CTXND2: variants seen among roughly 807,000 people sequenced by gnomAD.
The protein encoded by CTXND2 is cortexin domain containing 2.
chr1:150,897,343 C>G (rs72704672), intron 1 of CTXND2, among the ~76,000 whole-genome samples: 1 of 152,046 alleles, frequency 6.6e-6, no homozygotes, highest in African/African-American at 2.4e-5. Flanking sequence ...TGGAAATAGG[C>G]CCAAAAGGGG....
chr1:150,889,211 C>G (rs1352689885), intron 1 of CTXND2, among the ~76,000 whole-genome samples: 1 of 151,906 alleles, frequency 6.6e-6, no homozygotes, highest in Admixed American at 6.6e-5. Flanking sequence ...AGATCGAGAC[C>G]ATCCTGGCTA....
intron 1 of CTXND2, among the ~76,000 whole-genome samples, chr1:150,890,597 G>A (rs1390980438): frequency 6.6e-6 from 1 of 152,008 alleles, no homozygotes; most frequent in Non-Finnish European, 1.5e-5. Context: ...TCTGCCTCCC[G>A]GGTTCAAGCG....
At chr1:150,908,585 T>A (rs1038909343) in intron 1 of CTXND2, among the ~76,000 whole-genome samples, 5 of 152,130 alleles carry the variant, frequency 3.3e-5, no homozygotes, top group African/African-American at 1.2e-4. Flanking sequence ...TTTCTATTCA[T>A]ATCCTTTGCC....
At chr1:150,894,148 CACTT>C (rs1336799121) in intron 1 of CTXND2, among the ~76,000 whole-genome samples, 3 of 151,980 alleles carry the variant, frequency 2.0e-5, no homozygotes, top group Admixed American at 6.6e-5. Flanking sequence ...TATTAAATGT[CACTT>C]ACAGGTTTTC....
intron 1 of CTXND2, among the ~76,000 whole-genome samples, chr1:150,891,851 TA>T (rs1444307990): frequency 6.6e-6 from 1 of 152,208 alleles, no homozygotes; most frequent in Non-Finnish European, 1.5e-5. Context: ...GCCTCTTCAG[TA>T]AAATCTCCCT....
At chr1:150,900,195 A>G (rs1052702300) in intron 1 of CTXND2, among the ~76,000 whole-genome samples, 2 of 152,164 alleles carry the variant, frequency 1.3e-5, no homozygotes, top group Admixed American at 6.6e-5. Context: ...TATGAGTTGT[A>G]ATACTCACCG....
intron 1 of CTXND2, among the ~76,000 whole-genome samples, chr1:150,897,008 AAG>A (rs1158741345): frequency 6.6e-6 from 1 of 152,172 alleles, no homozygotes; most frequent in African/African-American, 2.4e-5. Context: ...AGCAAAGGGG[AAG>A]AGAGGGGCAG....
At chr1:150,897,339 T>C (rs1008170765) in intron 1 of CTXND2, among the ~76,000 whole-genome samples, 1 of 152,154 alleles carries the variant, frequency 6.6e-6, no homozygotes, top group Non-Finnish European at 1.5e-5. Flanking sequence ...ATTTTGGAAA[T>C]AGGCCCAAAA....
chr1:150,887,419 G>A (rs1218730661), intron 1 of CTXND2, 106 bp downstream of exon 1: 1 of 151,692 alleles, frequency 6.6e-6, no homozygotes, highest in Non-Finnish European at 1.5e-5. Context: ...GGAAATCGTG[G>A]GGAAATGACT....
intron 1 of CTXND2, among the ~76,000 whole-genome samples, chr1:150,911,186 G>A (rs1571607804): frequency 6.8e-6 from 1 of 147,156 alleles, no homozygotes; most frequent in Non-Finnish European, 1.5e-5. Flanking sequence ...GACCTCAAGT[G>A]ATCCGCCTGC....
chr1:150,889,873 C>T (rs1264494461), intron 1 of CTXND2, among the ~76,000 whole-genome samples: 2 of 152,058 alleles, frequency 1.3e-5, no homozygotes, highest in Non-Finnish European at 2.9e-5. Flanking sequence ...TGAATCCATG[C>T]TATGAATGGG....
chr1:150,910,120 GTTTTTTTTTTTTCTT>G (rs1669224991), intron 1 of CTXND2, among the ~76,000 whole-genome samples: 3 of 131,238 alleles, frequency 2.3e-5, no homozygotes, highest in African/African-American at 8.4e-5. Context: ...TCTTTTTTCT[GTTTTTTTTTTTTCTT>G]TTTTTTTTTT....
intron 1 of CTXND2, among the ~76,000 whole-genome samples, chr1:150,895,040 AACATATATATAT>A (rs1207506476): frequency 6.6e-6 from 1 of 151,618 alleles, no homozygotes; most frequent in Non-Finnish European, 1.5e-5. Context: ...CCCTCAAAAA[AACATATATATAT>A]ACATATATAT....
chr1:150,911,082 G>T (rs1338261872), intron 1 of CTXND2, among the ~76,000 whole-genome samples: 1 of 151,968 alleles, frequency 6.6e-6, no homozygotes, highest in Non-Finnish European at 1.5e-5. Context: ...GGGCTTACAG[G>T]CATGAGCCAT....
intron 1 of CTXND2, among the ~76,000 whole-genome samples, chr1:150,906,310 C>T (rs1203308541): frequency 6.6e-6 from 1 of 151,946 alleles, no homozygotes; most frequent in East Asian, 1.9e-4. Flanking sequence ...AAAACAACAA[C>T]AACAACAACA....
Position 150,897,284 on chromosome 1 carries a change from A to C in CTXND2, c.-74+9971A>C, listed in dbSNP as rs587720469. Among the ~76,000 whole-genome samples, 20 of 152,346 alleles carry C rather than the reference A, an allele frequency of 1.3e-4. No individual in the cohort carries two copies. In the South Asian group the frequency reaches 3.9e-3, roughly 30 times the overall value. ...GCTGGCATTTGATGGCCTGGAGTAC[A>C]GAGGTGGCTGGAAAGAAACAGAGAA... On this transcript the variant is annotated intron_variant, in intron 1 of 1. Coordinates refer to ENST00000636087, the Ensembl canonical transcript of CTXND2.
intron 1 of CTXND2, among the ~76,000 whole-genome samples, chr1:150,901,062 C>T (rs190640894): frequency 2.7e-4 from 41 of 151,550 alleles, no homozygotes; most frequent in Admixed American, 1.1e-3. Flanking sequence ...CAGTGAGCCA[C>T]GATCATGCCA....
intron 1 of CTXND2, among the ~76,000 whole-genome samples, chr1:150,891,914 A>T (rs1668855963): frequency 1.3e-5 from 2 of 152,108 alleles, no homozygotes; most frequent in Admixed American, 1.3e-4. Flanking sequence ...ATTGCTTTGG[A>T]ATTATTTGCT....
intron 1 of CTXND2, among the ~76,000 whole-genome samples, chr1:150,908,504 C>G (rs1292474612): frequency 3.3e-5 from 5 of 152,136 alleles, no homozygotes; most frequent in Admixed American, 6.6e-5. Flanking sequence ...TCCCTGATGA[C>G]TAATTACGTT....
Sources: allele counts gnomAD v4.1 joint callset (sites outside exome capture counted in the v4.1 genomes callset), GRCh38; gene constraint gnomAD v4.1.1; transcripts MANE v1.5; gene names NCBI Gene and HGNC (gene_info 2026-07-23, HGNC 2026-07-21).